Variants in ATXN3 observed in about 807,000 individuals in gnomAD.
The protein encoded by ATXN3 is ataxin-3.
Under a neutral mutation model 58.2 loss-of-function variants are expected in ATXN3, and 28 were observed. That is an observed-to-expected ratio of 0.48 (90% CI 0.36 to 0.66). ATXN3 has a LOEUF of 0.66. ATXN3 is among the 30% of genes least tolerant of loss of function. ATXN3 has a pLI of 0.00. For synonymous variants in ATXN3, 113 were observed against 138.5 expected, an observed-to-expected ratio of 0.82 and a Z score of 1.29; for missense variants, 321 against 422.1, an observed-to-expected ratio of 0.76 and a Z score of 2.10.
At position 92,082,414 on chromosome 14, in the gene ATXN3, T is replaced by C; in HGVS notation, c.661A>G (p.Met221Val). 1 of 1,614,168 alleles carries C rather than the reference T, an allele frequency of 6.2e-7. No homozygotes were observed. Reference sequence around the variant, plus strand: ...AAATCCTCCTCATCTTCGTCTAACATTCCTGAGCCATCATTTGCTTCTAAC... The same window carrying C: ...AAATCCTCCTCATCTTCGTCTAACACTCCTGAGCCATCATTTGCTTCTAAC... ...RVLEANDGSG[M>V]LDEDEEDLQR... is the part of the protein sequence containing the mutation. The change falls in exon 8 of 11, where the codon ATG (methionine) becomes GTG (valine). Residue 221 changes from methionine (M) to valine (V), a missense_variant. Around this residue, in one of 2 missense-constraint regions of ATXN3, gnomAD observed 200 missense variants for 223.2 expected, o/e 0.90. Transcript: ENST00000644486.
intron 1 of ATXN3, among the ~76,000 whole-genome samples, chr14:92,101,037 G>C (rs531158651): frequency 6.6e-6 from 1 of 152,128 alleles, no homozygotes; most frequent in South Asian, 2.1e-4. Flanking sequence ...ATAAAAAATA[G>C]CTTTAAATTA....
chr14:92,082,780 G>C (rs2061699321), intron 7 of ATXN3, among the ~76,000 whole-genome samples: 1 of 151,142 alleles, frequency 6.6e-6, no homozygotes, highest in African/African-American at 2.4e-5. Flanking sequence ...CTCCCAAGTA[G>C]CTGGGACTAT....
rs58398762 is a variant in ATXN3 at position 92,081,465 on chromosome 14, C to CAA, written c.776-406_776-405dup. On this transcript the variant is annotated intron_variant, in intron 8 of 10. Coordinates refer to ENST00000644486, the MANE Select transcript of ATXN3 (RefSeq NM_004993.6). ...GCTGGGCGACAGTGAGACTCTGACT[C>CAA]AAAAAAAAAAAAAAAAAAAAAGAAA... Among the ~76,000 whole-genome samples, 153 of 82,922 alleles carry CAA rather than the reference C, an allele frequency of 1.8e-3. 3 individuals carry two copies. Among genetic ancestry groups the CAA allele is most frequent in the Non-Finnish European group, 2.1e-3 (83 of 40,326 alleles). The allele number at this position is 82,922 out of a possible 152,430, so 54.4% of individuals were successfully genotyped here. A position where few individuals can be genotyped will look rare whatever the true frequency, so the allele number is the denominator to read the frequency against.
At chr14:92,096,399 TG>T (rs1428320730) in intron 2 of ATXN3, 12 of 1,095,308 alleles carry the variant, frequency 1.1e-5, no homozygotes, top group Admixed American at 2.9e-5. Flanking sequence ...CCAAGACAGG[TG>T]GATCATAAGG....
intron 1 of ATXN3, 32 bp from the exon 2 acceptor site, chr14:92,096,870 G>A (rs2141151296): frequency 1.3e-6 from 2 of 1,589,712 alleles, no homozygotes; most frequent in East Asian, 2.2e-5. Flanking sequence ...ATTAAAATGT[G>A]ACTTGTTAAA....
rs935049963 is a variant in ATXN3 at position 92,097,053 on chromosome 14, A to G, written c.25-215T>C. On this transcript the variant is annotated intron_variant, in intron 1 of 10. Transcript: ENST00000644486. ...CTCCCGAGTAGCTGGTACTACAGGC[A>G]CCCGCCACCACGCCCGGCTAAATTT... 99 of 440,622 alleles carry G rather than the reference A, an allele frequency of 2.2e-4. 1 individual carries two copies. The highest frequency in any genetic ancestry group is 8.5e-4 in the South Asian group (40 of 47,260). The allele number at this position is 440,622 out of a possible 1,614,324, so 27.3% of individuals were successfully genotyped here.
At chr14:92,092,411 T>C (rs1332820915) in intron 5 of ATXN3, among the ~76,000 whole-genome samples, 3 of 152,232 alleles carry the variant, frequency 2.0e-5, no homozygotes, top group Admixed American at 2.0e-4. Context: ...GCTCAAGACA[T>C]ATTTCATGTT....
chr14:92,094,152 G>C (rs937226491), intron 3 of ATXN3, among the ~76,000 whole-genome samples: 1 of 152,012 alleles, frequency 6.6e-6, no homozygotes, highest in South Asian at 2.1e-4. Flanking sequence ...TTGTTGGCCA[G>C]GCTGGTCTCA....
intron 2 of ATXN3, chr14:92,096,345 C>G: frequency 1.4e-6 from 2 of 1,431,782 alleles, no homozygotes; most frequent in Admixed American, 2.5e-5. Flanking sequence ...GAAATGTAAG[C>G]CGGGTGTGGT....
At chr14:92,070,565 C>G (rs1171341203) in intron 10 of ATXN3, among the ~76,000 whole-genome samples, 1 of 152,070 alleles carries the variant, frequency 6.6e-6, no homozygotes, top group Non-Finnish European at 1.5e-5. Context: ...GGTGACAGAG[C>G]AAGACTCCAT....
rs141672872 is a variant in ATXN3 at position 92,083,151 on chromosome 14, C to T, written c.583G>A (p.Glu195Lys). The change falls in exon 7 of 11, where the codon GAA becomes AAA. Residue 195 changes from glutamate (E) to lysine (K), a missense_variant. By Grantham distance (56) the Glu-to-Lys change is moderately conservative (BLOSUM62 1). Around this residue, in one of 2 missense-constraint regions of ATXN3, gnomAD observed 200 missense variants for 223.2 expected, o/e 0.90. Transcript: ENST00000644486. ...QMHRPKLIGE[E>K]LAQLKEQRVH... ...CTTTGCTCTTTTAGTTGTGCTAATTCTTCTCCAATAAGTTTTGGTCGATGC... is the reference window on the plus strand; with the variant it reads ...CTTTGCTCTTTTAGTTGTGCTAATTTTTCTCCAATAAGTTTTGGTCGATGC... 1.1e-4 allele frequency: 181 copies of T among 1,612,526 alleles called. No homozygotes were observed. The highest frequency in any genetic ancestry group is 1.4e-4 in the Non-Finnish European group (168 of 1,179,660).
chr14:92,106,414 C>A, intron 1 of ATXN3, 115 bp downstream of exon 1: 1 of 1,380,140 alleles, frequency 7.2e-7, no homozygotes, highest in Non-Finnish European at 1.0e-6. Context: ...CCTCGCCGGG[C>A]GAGATCGGCA....
chr14:92,075,160 T>TG (rs2060130994), intron 9 of ATXN3, among the ~76,000 whole-genome samples: 1 of 51,928 alleles, frequency 1.9e-5, no homozygotes, highest in African/African-American at 1.5e-4. Context: ...TAGGGAGTTT[T>TG]TTTTTTTTTT....
At chr14:92,102,274 A>G (rs894100346) in intron 1 of ATXN3, among the ~76,000 whole-genome samples, 1 of 151,376 alleles carries the variant, frequency 6.6e-6, no homozygotes, top group East Asian at 1.9e-4. Flanking sequence ...AAAGGAAGAA[A>G]GGAGGGAGGG....
intron 6 of ATXN3, among the ~76,000 whole-genome samples, chr14:92,084,955 G>C (rs1353782136): frequency 6.6e-6 from 1 of 152,126 alleles, no homozygotes; most frequent in African/African-American, 2.4e-5. Flanking sequence ...AAGATTATAA[G>C]AACTATTAAT....
rs775431045 is a variant in ATXN3, at chr14:92,096,662, T to TA, written c.189+11dup. On this transcript the variant is annotated intron_variant, in intron 2 of 10. Coordinates refer to ENST00000644486, the MANE Select transcript of ATXN3 (RefSeq NM_004993.6). ...AAAAAGAAATGTGACTTAGTGAGTTTAAAATCAGTACCTGTAAAAACGTGC... is the reference window on the plus strand; with the variant it reads ...AAAAAGAAATGTGACTTAGTGAGTTTAAAAATCAGTACCTGTAAAAACGTGC... 1 of 1,595,650 alleles carries TA rather than the reference T, an allele frequency of 6.3e-7. No individual in the cohort carries two copies. The highest frequency in any genetic ancestry group is 8.5e-7 in the Non-Finnish European group (1 of 1,173,892).
At chr14:92,048,071 T>G (rs1165478257) in intron 1 of ATXN3, 3 of 152,252 alleles carry the variant, frequency 2.0e-5, no homozygotes, top group African/African-American at 7.2e-5. Flanking sequence ...GGTTGGACAG[T>G]CCGATTTCCA....
Position 92,076,324 on chromosome 14 carries a change from T to C in ATXN3, c.872+4641A>G, listed in dbSNP as rs540451699. Among the ~76,000 whole-genome samples, 10 of 152,084 alleles carry C rather than the reference T, an allele frequency of 6.6e-5. No individual in the cohort carries two copies. In the South Asian group the frequency reaches 2.1e-3, roughly 32 times the overall value. On this transcript the variant is annotated intron_variant, in intron 9 of 10. Coordinates refer to ENST00000644486, the MANE Select transcript of ATXN3 (RefSeq NM_004993.6). Reference sequence around the variant, plus strand: ...TTAGCCCGACGTGGTGGCATGCGCCTGTAATCCCAGCTACTTGGGAGGCTG... The same window carrying C: ...TTAGCCCGACGTGGTGGCATGCGCCCGTAATCCCAGCTACTTGGGAGGCTG...
intron 1 of ATXN3, among the ~76,000 whole-genome samples, chr14:92,098,987 C>T (rs2066066247): frequency 1.3e-5 from 2 of 152,172 alleles, no homozygotes; most frequent in Non-Finnish European, 2.9e-5. Flanking sequence ...GTGTGACCCT[C>T]CTCCCCGCAA....
Sources: gnomAD v4.1 joint callset for allele counts (sites outside exome capture counted in the v4.1 genomes callset) on GRCh38, gnomAD v4.1.1 for gene constraint, gnomAD v4.1.1 regional missense constraint, MANE v1.5 for transcripts, NCBI Gene and HGNC (gene_info 2026-07-23, HGNC 2026-07-21) for gene names.